CA1: variants seen among roughly 807,000 people sequenced by gnomAD.
CA1 encodes the protein carbonate dehydratase I.
In CA1, 27 loss-of-function variants were observed where a neutral mutation model predicts 28.8. The ratio of observed to expected loss-of-function variants is 0.94; its 90% CI spans 0.69 to 1.29. CA1 has a LOEUF of 1.29. CA1 is among the 50% of genes most tolerant of loss of function. The pLI, the probability that CA1 is intolerant of heterozygous loss-of-function variation, is 0.00. For missense variants in CA1, 335 were observed against 310.5 expected (o/e 1.08, Z -0.59); for synonymous variants, 121 against 108.8 (o/e 1.11, Z -0.70).
intron 1 of CA1, among the ~76,000 whole-genome samples, chr8:85,348,457 C>A (rs375552646): frequency 1.3e-5 from 2 of 152,102 alleles, no homozygotes; most frequent in African/African-American, 4.8e-5. Context: ...TTACTCTGAT[C>A]TTTGTCTTAG....
intron 1 of CA1, among the ~76,000 whole-genome samples, chr8:85,356,824 C>T (rs866707215): frequency 4.3e-4 from 66 of 152,200 alleles, no homozygotes; most frequent in African/African-American, 1.6e-3. Flanking sequence ...CTAAATTATT[C>T]TTTGTGTACT....
intron 1 of CA1, among the ~76,000 whole-genome samples, chr8:85,348,254 TC>T (rs1809278780): frequency 1.3e-5 from 2 of 152,218 alleles, no homozygotes; most frequent in African/African-American, 4.8e-5. Context: ...AAATTTTTTT[TC>T]ATTCATTTTT....
At chr8:85,365,487 G>T (rs771528308) in intron 1 of CA1, among the ~76,000 whole-genome samples, 1 of 152,170 alleles carries the variant, frequency 6.6e-6, no homozygotes, top group Non-Finnish European at 1.5e-5. Flanking sequence ...CACATTGCAG[G>T]CTGGGGAAGC....
intron 1 of CA1, among the ~76,000 whole-genome samples, chr8:85,346,657 G>A (rs181043460): frequency 1.3e-5 from 2 of 152,232 alleles, no homozygotes; most frequent in Non-Finnish European, 2.9e-5. Context: ...AGCTACTCGG[G>A]AGGCTGAGGC....
Position 85,338,442 on chromosome 8 carries a change from T to C in CA1, c.45A>G (p.Glu15=). The change falls in exon 3 of 8, where the codon GAA becomes GAG. Residue 15 remains glutamate, a synonymous_variant. Transcript: ENST00000523022. ...CAATGGGATACAGCTTGCTCCATTG[T>C]TCAGGACCTACCAGGACAAACACGT... is the stretch of plus-strand genomic sequence containing the variant. ...DWGYDDKNGP[E]QWSKLYPIAN... The C allele has an allele frequency of 6.2e-7, 1 of 1,613,650 alleles. No individual in the cohort carries two copies. The highest frequency in any genetic ancestry group is 8.5e-7 in the Non-Finnish European group (1 of 1,179,616).
chr8:85,349,185 G>C (rs1194175098), intron 1 of CA1, among the ~76,000 whole-genome samples: 1 of 152,178 alleles, frequency 6.6e-6, no homozygotes, highest in African/African-American at 2.4e-5. Flanking sequence ...TAGCCCAATA[G>C]AATGAGACCA....
At position 85,336,940 on chromosome 8, in the gene CA1, A is replaced by G. The variant is rs1300088592; in HGVS notation, c.354+5T>C. The G allele has an allele frequency of 1.3e-6, 2 of 1,544,864 alleles. No homozygotes were observed. On this transcript the variant is annotated splice_donor_5th_base_variant and intron_variant, in intron 4 of 7. Coordinates refer to ENST00000523022, the MANE Select transcript of CA1 (RefSeq NM_001128831.4). ...AATTATCTCTCACTTACTAAATTACATTACCTCGGCAGAATATTTGACTCC... is the reference window on the plus strand; with the variant it reads ...AATTATCTCTCACTTACTAAATTACGTTACCTCGGCAGAATATTTGACTCC...
intron 4 of CA1, 116 bp from the exon 5 acceptor site, chr8:85,333,736 A>G: frequency 1.4e-6 from 1 of 691,470 alleles, no homozygotes; most frequent in Non-Finnish European, 2.6e-6. Context: ...CATAAAACTT[A>G]TGTGAACCTT....
chr8:85,339,298 C>T (rs539930227), intron 2 of CA1, among the ~76,000 whole-genome samples: 1 of 152,258 alleles, frequency 6.6e-6, no homozygotes, highest in Admixed American at 6.5e-5. Flanking sequence ...TTTGGTAATT[C>T]TCACAATATT....
chr8:85,362,257 G>A (rs995993883), intron 1 of CA1, among the ~76,000 whole-genome samples: 1 of 151,978 alleles, frequency 6.6e-6, no homozygotes, highest in Non-Finnish European at 1.5e-5. Context: ...ATTATATCAG[G>A]CCCATCTGGA....
intron 1 of CA1, among the ~76,000 whole-genome samples, chr8:85,376,355 G>C (rs570212758): frequency 6.6e-6 from 1 of 150,872 alleles, no homozygotes; most frequent in South Asian, 2.1e-4. Context: ...TTATAAAAGA[G>C]GTAACTTTAA....
intron 4 of CA1, 54 bp from the exon 5 acceptor site, chr8:85,333,674 A>T: frequency 1.8e-6 from 2 of 1,113,536 alleles, no homozygotes; most frequent in Non-Finnish European, 2.7e-6. Flanking sequence ...ATGAAAAAAG[A>T]TAAGTTATAA....
At chr8:85,374,406 T>A (rs1278339877) in intron 1 of CA1, among the ~76,000 whole-genome samples, 3 of 152,238 alleles carry the variant, frequency 2.0e-5, no homozygotes, top group Non-Finnish European at 4.4e-5. Flanking sequence ...TTGTTTGTTC[T>A]TATTAATACT....
chr8:85,359,386 T>C (rs911237204), intron 1 of CA1, among the ~76,000 whole-genome samples: 3 of 152,240 alleles, frequency 2.0e-5, no homozygotes, highest in African/African-American at 7.2e-5. Flanking sequence ...GGGGAGAATC[T>C]ATTCCTGCAG....
At chr8:85,368,411 GC>G (rs987136816) in intron 1 of CA1, among the ~76,000 whole-genome samples, 61 of 151,986 alleles carry the variant, frequency 4.0e-4, no homozygotes, top group African/African-American at 1.4e-3. Flanking sequence ...CTCATGATCT[GC>G]CCTTCTCTGC....
chr8:85,361,886 G>T (rs920273102), intron 1 of CA1, among the ~76,000 whole-genome samples: 1 of 152,050 alleles, frequency 6.6e-6, no homozygotes, highest in Non-Finnish European at 1.5e-5. Context: ...CCTTCTCTGG[G>T]CAGGCAATCC....
At chr8:85,360,778 T>A (rs1229261583) in intron 1 of CA1, among the ~76,000 whole-genome samples, 1 of 152,214 alleles carries the variant, frequency 6.6e-6, no homozygotes, top group Non-Finnish European at 1.5e-5. Flanking sequence ...CATTACACCA[T>A]CCCTGTTTCT....
chr8:85,368,702 AAG>A (rs759857829), intron 1 of CA1, among the ~76,000 whole-genome samples: 23 of 151,992 alleles, frequency 1.5e-4, no homozygotes, highest in Non-Finnish European at 2.1e-4. Flanking sequence ...TTTTTGGAGA[AAG>A]AGAAACAGGT....
At chr8:85,351,555 A>G (rs968993611) in intron 1 of CA1, among the ~76,000 whole-genome samples, 2 of 152,210 alleles carry the variant, frequency 1.3e-5, no homozygotes, top group African/African-American at 4.8e-5. Flanking sequence ...GGGGAAAGAA[A>G]TGCCAGCAAT....
Sources: gnomAD v4.1 joint callset for allele counts (sites outside exome capture counted in the v4.1 genomes callset) on GRCh38, gnomAD v4.1.1 for gene constraint, MANE v1.5 for transcripts, NCBI Gene and HGNC (gene_info 2026-07-23, HGNC 2026-07-21) for gene names.